The following OR1J2 variants were observed in gnomAD, a reference collection of about 807,000 sequenced individuals.
OR1J2 encodes olfactory receptor family 1 subfamily J member 2.
For synonymous variants in OR1J2, 142 were observed against 99.7 expected, an observed-to-expected ratio of 1.42 and a Z score of -2.52; for missense variants, 304 against 246.1, an observed-to-expected ratio of 1.24 and a Z score of -1.57.
At chr9:122,464,797 T>A in the OR1J2 span, among the ~76,000 whole-genome samples, 1 of 152,222 alleles carries the variant, frequency 6.6e-6, no homozygotes, top group Non-Finnish European at 1.5e-5. Context: ...AGCAGCTCCC[T>A]ATTGACTTAT....
chr9:122,555,245 G>A, the OR1J2 span, among the ~76,000 whole-genome samples: 2 of 152,146 alleles, frequency 1.3e-5, no homozygotes, highest in African/African-American at 4.8e-5. Flanking sequence ...TGCCCTTTTG[G>A]TGTTGTACAA....
At chr9:122,491,512 T>G in the OR1J2 span, among the ~76,000 whole-genome samples, 2 of 151,946 alleles carry the variant, frequency 1.3e-5, no homozygotes, top group Non-Finnish European at 2.9e-5. Flanking sequence ...CAGGGAACAT[T>G]GACAATTAAG....
At chr9:122,568,358 TATG>T in the OR1J2 span, 3 of 1,614,014 alleles carry the variant, frequency 1.9e-6, 1 homozygote, top group South Asian at 2.2e-5. Flanking sequence ...GGTTCCCTGT[TATG>T]GTGACCAGGT....
At chr9:122,556,794 G>T in the OR1J2 span, among the ~76,000 whole-genome samples, 3 of 152,268 alleles carry the variant, frequency 2.0e-5, no homozygotes, top group Middle Eastern at 3.4e-3. Flanking sequence ...AAAGTAACTT[G>T]CTGGGGTTTT....
the OR1J2 span, among the ~76,000 whole-genome samples, chr9:122,540,014 AG>A: frequency 6.6e-6 from 1 of 152,178 alleles, no homozygotes; most frequent in South Asian, 2.1e-4. Flanking sequence ...TCTGGATATT[AG>A]CCCTCTGTCA....
the OR1J2 span, among the ~76,000 whole-genome samples, chr9:122,532,795 G>A: frequency 2.8e-4 from 43 of 152,216 alleles, no homozygotes; most frequent in African/African-American, 1.0e-3. Flanking sequence ...TACAGGGTGC[G>A]GTCCCGGCTC....
At chr9:122,474,393 C>G in the OR1J2 span, among the ~76,000 whole-genome samples, 10 of 152,216 alleles carry the variant, frequency 6.6e-5, no homozygotes, top group Non-Finnish European at 1.2e-4. Context: ...TTGAGACTGA[C>G]TTCCAGCTGT....
At chr9:122,462,114 A>G in the OR1J2 span, among the ~76,000 whole-genome samples, 1 of 152,284 alleles carries the variant, frequency 6.6e-6, no homozygotes, top group South Asian at 2.1e-4. Flanking sequence ...TTAGGTGCAT[A>G]TATATGTGGA....
At chr9:122,505,389 C>G in the OR1J2 span, among the ~76,000 whole-genome samples, 1 of 152,032 alleles carries the variant, frequency 6.6e-6, no homozygotes, top group Non-Finnish European at 1.5e-5. Context: ...CTACCAGTCT[C>G]GCTGTCATGA....
At chr9:122,454,272 C>G in the OR1J2 span, among the ~76,000 whole-genome samples, 1 of 152,222 alleles carries the variant, frequency 6.6e-6, no homozygotes, top group Admixed American at 6.5e-5. Flanking sequence ...AATCCCAGCA[C>G]TTTGGGAGGC....
chr9:122,493,954 G>A, the OR1J2 span, among the ~76,000 whole-genome samples: 1 of 152,074 alleles, frequency 6.6e-6, no homozygotes, highest in Non-Finnish European at 1.5e-5. Flanking sequence ...AATCATTCAG[G>A]AACAGGTTAT....
chr9:122,553,208 A>C, the OR1J2 span: 1 of 1,613,370 alleles, frequency 6.2e-7, no homozygotes. Context: ...ACGAACTACA[A>C]GGGATGGGAA....
the OR1J2 span, chr9:122,519,003 G>T: frequency 1.6e-6 from 1 of 639,164 alleles, no homozygotes; most frequent in Non-Finnish European, 2.8e-6. Context: ...TTTTTGTAGG[G>T]ACATAGCAAT....
chr9:122,580,007 G>A, the OR1J2 span, among the ~76,000 whole-genome samples: 2 of 152,080 alleles, frequency 1.3e-5, no homozygotes, highest in South Asian at 2.1e-4. Context: ...AGAGCTTATC[G>A]GTGCAACTGC....
At chr9:122,509,454 A>G (rs553715818), upstream of OR1J2, among the ~76,000 whole-genome samples, 6 of 152,360 alleles carry the variant, frequency 3.9e-5, no homozygotes, top group South Asian at 1.2e-3. Flanking sequence ...AATATAATTT[A>G]AGATAATGTC....
At chr9:122,519,289 G>C in the OR1J2 span, 1 of 1,613,952 alleles carries the variant, frequency 6.2e-7, no homozygotes, top group Non-Finnish European at 8.5e-7. Context: ...CTGCTCATCC[G>C]GCTGGACTCT....
At chr9:122,505,955 T>C (rs1318343048), upstream of OR1J2, among the ~76,000 whole-genome samples, 1 of 152,146 alleles carries the variant, frequency 6.6e-6, no homozygotes, top group East Asian at 1.9e-4. Context: ...AATGAAACAA[T>C]AAAACCTCGA....
the OR1J2 span, among the ~76,000 whole-genome samples, chr9:122,467,325 T>C: frequency 6.6e-6 from 1 of 152,180 alleles, no homozygotes; most frequent in Non-Finnish European, 1.5e-5. Flanking sequence ...ACCTTTTGCT[T>C]GTTAATTCTG....
chr9:122,480,407 TTTATAGA>T, the OR1J2 span, among the ~76,000 whole-genome samples: 1 of 152,156 alleles, frequency 6.6e-6, no homozygotes, highest in Non-Finnish European at 1.5e-5. Context: ...ATTAGAAAAC[TTTATAGA>T]TTATGTTTAT....
Sources: allele counts gnomAD v4.1 joint callset (sites outside exome capture counted in the v4.1 genomes callset), GRCh38; gene constraint gnomAD v4.1.1; transcripts MANE v1.5; gene names NCBI Gene and HGNC (gene_info 2026-07-23, HGNC 2026-07-21).